The following MTA1 variants were observed in gnomAD, a reference collection of about 807,000 sequenced individuals.
The protein encoded by MTA1 is metastasis-associated protein MTA1.
A neutral mutation model predicts 97.0 loss-of-function variants in MTA1; 15 were observed. The ratio of observed to expected loss-of-function variants is 0.15; its 90% CI spans 0.10 to 0.24. The LOEUF is 0.24. Among genes scored for constraint, MTA1 ranks in the 10% least tolerant of loss-of-function variants. The pLI is 1.00. For synonymous variants in MTA1, 435 were observed against 417.5 expected (o/e 1.04, Z -0.51); for missense variants, 709 against 1,015.1 (o/e 0.70, Z 4.10).
At chr14:105,468,981 A>C in intron 18 of MTA1, 1 of 336,918 alleles carries the variant, frequency 3.0e-6, no homozygotes, top group Admixed American at 4.1e-5. Flanking sequence ...GCTGGGGCCC[A>C]GCCAGGGCAG....
intron 1 of MTA1, among the ~76,000 whole-genome samples, chr14:105,421,137 T>G (rs1414534421): frequency 1.3e-5 from 2 of 152,168 alleles, no homozygotes; most frequent in African/African-American, 4.8e-5. Flanking sequence ...ACATCCCGTC[T>G]GTGAGATGGG....
intron 7 of MTA1, 54 bp from the exon 8 acceptor site, chr14:105,458,216 G>T: frequency 6.6e-7 from 1 of 1,517,514 alleles, no homozygotes; most frequent in South Asian, 1.1e-5. Flanking sequence ...GGAGAGGCGC[G>T]GCCCGGCGCG....
At chr14:105,432,970 C>T (rs933405704) in intron 1 of MTA1, among the ~76,000 whole-genome samples, 9 of 152,094 alleles carry the variant, frequency 5.9e-5, no homozygotes, top group East Asian at 3.9e-4. Context: ...GAGCTTCAGT[C>T]GAAAGCGATT....
intron 1 of MTA1, among the ~76,000 whole-genome samples, chr14:105,433,914 G>A (rs187029890): frequency 7.2e-5 from 11 of 152,150 alleles, no homozygotes; most frequent in Admixed American, 2.6e-4. Context: ...TGCAAGCTCC[G>A]CCTCCCAGGT....
At chr14:105,448,715 A>ACG (rs55854531) in intron 3 of MTA1, among the ~76,000 whole-genome samples, 1 of 151,814 alleles carries the variant, frequency 6.6e-6, no homozygotes, top group East Asian at 1.9e-4. Context: ...GGCCCAGAAC[A>ACG]GGCCCAGCAT....
intron 2 of MTA1, among the ~76,000 whole-genome samples, chr14:105,440,764 G>A (rs1252268674): frequency 3.3e-5 from 5 of 152,258 alleles, no homozygotes; most frequent in East Asian, 3.8e-4. Flanking sequence ...CGAGCCAGAC[G>A]CTCACCATGT....
At chr14:105,466,100 A>ACG (rs2083570017) in intron 16 of MTA1, 2 of 335,150 alleles carry the variant, frequency 6.0e-6, no homozygotes, top group Non-Finnish European at 1.1e-5. Flanking sequence ...GGGCTGTTTA[A>ACG]TAGGCGTGCT....
intron 1 of MTA1, among the ~76,000 whole-genome samples, chr14:105,437,527 G>T (rs1391083528): frequency 6.6e-6 from 1 of 151,950 alleles, no homozygotes; most frequent in Non-Finnish European, 1.5e-5. Flanking sequence ...GTGTCCTCAG[G>T]GGCATGAGCC....
chr14:105,458,073 C>G (rs1211447304), intron 7 of MTA1, among the ~76,000 whole-genome samples, 197 bp from the exon 8 acceptor site: 1 of 152,170 alleles, frequency 6.6e-6, no homozygotes, highest in African/African-American at 2.4e-5. Context: ...CGTGTGCACC[C>G]CAGCCCCGGG....
At chr14:105,431,808 T>C (rs1398331057) in intron 1 of MTA1, among the ~76,000 whole-genome samples, 2 of 152,014 alleles carry the variant, frequency 1.3e-5, no homozygotes, top group East Asian at 1.9e-4. Flanking sequence ...GTATCTTTAG[T>C]AGAGATGGGG....
At chr14:105,438,836 G>A in intron 2 of MTA1, 97 bp downstream of exon 2, 1 of 1,309,280 alleles carries the variant, frequency 7.6e-7, no homozygotes, top group Non-Finnish European at 1.1e-6. Flanking sequence ...CCCCCTTTCG[G>A]GGCTGATCTT....
At chr14:105,436,453 A>T (rs1166985363) in intron 1 of MTA1, among the ~76,000 whole-genome samples, 2 of 152,228 alleles carry the variant, frequency 1.3e-5, no homozygotes, top group Non-Finnish European at 1.5e-5. Flanking sequence ...TTGGAAGTCC[A>T]TAGTCATGTT....
intron 3 of MTA1, among the ~76,000 whole-genome samples, chr14:105,446,171 C>T (rs1397974910): frequency 2.0e-5 from 3 of 152,152 alleles, no homozygotes; most frequent in African/African-American, 7.2e-5. Flanking sequence ...CACCCCCACG[C>T]CCTCCACATG....
chr14:105,463,050 C>T lies in MTA1; in HGVS notation c.943-134C>T, dbSNP rs186002973. 553 of 847,122 alleles carry T rather than the reference C, an allele frequency of 6.5e-4. 11 individuals are homozygous for T. The highest frequency in any genetic ancestry group is 4.5e-3 in the South Asian group (293 of 65,300). 52.5% of individuals were successfully genotyped at this position (847,122 alleles called of 1,614,324 possible). A position where few individuals can be genotyped will look rare whatever the true frequency, so the allele number is the denominator to read the frequency against. On this transcript the variant is annotated intron_variant, in intron 10 of 20. Coordinates refer to ENST00000331320, the MANE Select transcript of MTA1 (RefSeq NM_004689.4). This position sits in a 1 kb window ranked among gnomAD's most constrained non-coding sequence, Gnocchi z 5.9. The stretch of plus-strand genomic sequence containing the variant: ...TGCCTGCCAGCAGGGGCCTGGCCTC[C>T]GTGCACCAAGCACACCTCGCCCTCT...
chr14:105,461,077 T>G, intron 10 of MTA1, 124 bp downstream of exon 10: 2 of 1,022,640 alleles, frequency 2.0e-6, no homozygotes, highest in Non-Finnish European at 2.9e-6. Context: ...TGATTCCCTG[T>G]GCGGAGCTGC....
chr14:105,446,775 G>A (rs1181749182), intron 3 of MTA1, among the ~76,000 whole-genome samples: 16 of 152,230 alleles, frequency 1.1e-4, no homozygotes, highest in African/African-American at 3.4e-4. Flanking sequence ...CAGCTGGGCC[G>A]GGCCCCCGAG....
intron 1 of MTA1, among the ~76,000 whole-genome samples, chr14:105,437,215 C>G (rs1044289986): frequency 6.7e-6 from 1 of 149,532 alleles, no homozygotes; most frequent in Non-Finnish European, 1.5e-5. Context: ...AGGTGTGCAC[C>G]CACAGATGTG....
chr14:105,431,244 G>C (rs1171589708), intron 1 of MTA1, among the ~76,000 whole-genome samples: 1 of 152,166 alleles, frequency 6.6e-6, no homozygotes, highest in Non-Finnish European at 1.5e-5. Flanking sequence ...TGTATTTTTA[G>C]TAGAGACCAG....
intron 6 of MTA1, among the ~76,000 whole-genome samples, chr14:105,451,745 C>T (rs1487619743): frequency 6.6e-6 from 1 of 150,918 alleles, no homozygotes; most frequent in African/African-American, 2.4e-5. Context: ...TCCTGCTGCA[C>T]GATGCAGCCC....
Sources: gnomAD v4.1 joint callset for allele counts (sites outside exome capture counted in the v4.1 genomes callset) on GRCh38, gnomAD v4.1.1 for gene constraint, Gnocchi (gnomAD v3.1) non-coding constraint, MANE v1.5 for transcripts, NCBI Gene and HGNC (gene_info 2026-07-23, HGNC 2026-07-21) for gene names.